ALMS1: variants seen among roughly 807,000 people sequenced by gnomAD.
ALMS1 encodes centrosome-associated protein ALMS1.
In ALMS1, 271 loss-of-function variants were observed where a neutral mutation model predicts 352.2. The observed-to-expected ratio is 0.77, with a 90% CI of 0.70 to 0.85. The LOEUF (loss-of-function observed/expected upper bound fraction) is 0.85. Ranked by LOEUF, ALMS1 falls within the 40% of genes least tolerant of loss-of-function variation. ALMS1 has a pLI of 0.00. For missense variants in ALMS1, 5,445 were observed against 4,870.7 expected (o/e 1.12, Z -3.51); for synonymous variants, 1,865 against 1,761.2 (o/e 1.06, Z -1.48).
At chr2:73,482,193 A>T (rs1004499486) in intron 9 of ALMS1, among the ~76,000 whole-genome samples, 1 of 152,230 alleles carries the variant, frequency 6.6e-6, no homozygotes, top group Non-Finnish European at 1.5e-5. Flanking sequence ...TTGGGCATTC[A>T]GTATGATATT....
At chr2:73,551,860 C>T (rs934187433) in intron 13 of ALMS1, among the ~76,000 whole-genome samples, 1 of 152,018 alleles carries the variant, frequency 6.6e-6, no homozygotes, top group Non-Finnish European at 1.5e-5. Flanking sequence ...TGTATAATTG[C>T]CTGTGTTTGT....
In ALMS1 at chr2:73,482,943, A is replaced by G. The variant is rs1298340519; in HGVS notation, c.7675-6691A>G. 7.2e-5 allele frequency among the ~76,000 whole-genome samples: 11 copies of G among 152,244 alleles called. No individual in the cohort carries two copies. The South Asian group carries it at 2.1e-3, about 29-fold the overall frequency. ...GGTGATATCCCCTTTATCATTTTTAATTGTGTCTATTTGATTCTTCTCTCT... is the reference window on the plus strand; with the variant it reads ...GGTGATATCCCCTTTATCATTTTTAGTTGTGTCTATTTGATTCTTCTCTCT... On this transcript the variant is annotated intron_variant, in intron 9 of 22. Transcript: ENST00000613296.
chr2:73,433,210 G>A (rs1045059449), intron 7 of ALMS1, among the ~76,000 whole-genome samples: 2 of 152,200 alleles, frequency 1.3e-5, no homozygotes, highest in Non-Finnish European at 2.9e-5. Context: ...TTGTCAGCCT[G>A]TATAGAATCT....
At chr2:73,510,816 C>T (rs906789726) in intron 10 of ALMS1, among the ~76,000 whole-genome samples, 4 of 152,208 alleles carry the variant, frequency 2.6e-5, no homozygotes, top group African/African-American at 9.6e-5. Flanking sequence ...GTGCCCACAG[C>T]TGCCCCTTCC....
intron 1 of ALMS1, among the ~76,000 whole-genome samples, chr2:73,406,437 T>G (rs923703403): frequency 7.6e-5 from 10 of 130,834 alleles, no homozygotes; most frequent in South Asian, 4.8e-4. Flanking sequence ...ATCCTATGGG[T>G]TTTTTTTTTT....
At chr2:73,557,395 C>A in intron 14 of ALMS1, 41 bp downstream of exon 14, 2 of 1,612,690 alleles carry the variant, frequency 1.2e-6, no homozygotes, top group South Asian at 2.2e-5. Context: ...TTCTTCTGGT[C>A]TTCTAAAATG....
chr2:73,449,420 T>C lies in ALMS1; in HGVS notation c.2893T>C (p.Tyr965His), dbSNP rs201180147. 316 of 1,614,006 alleles carry C rather than the reference T, an allele frequency of 2.0e-4. No individual in the cohort carries two copies. The highest frequency in any genetic ancestry group is 2.6e-4 in the Non-Finnish European group (302 of 1,180,006). The stretch of plus-strand genomic sequence containing the variant: ...ACATAGCGAGAAATCTAGTGTTTTC[T>C]ACCAGCAAGAGTTGCCAGACAGTGA... ...HSHSEKSSVF[Y>H]QQELPDSDLP... The change falls in exon 8 of 23, where the codon TAC becomes CAC. Residue 965 changes from tyrosine to histidine, a missense_variant. Transcript: ENST00000613296.
chr2:73,546,553 A>T (rs1363633688), intron 12 of ALMS1, among the ~76,000 whole-genome samples: 4 of 152,240 alleles, frequency 2.6e-5, no homozygotes, highest in Admixed American at 6.5e-5. Flanking sequence ...ACCATAAATA[A>T]GTACGTAATT....
At chr2:73,567,720 C>G (rs146027941) in intron 15 of ALMS1, among the ~76,000 whole-genome samples, 1 of 152,208 alleles carries the variant, frequency 6.6e-6, no homozygotes, top group Non-Finnish European at 1.5e-5. Flanking sequence ...AGTTGTAGCC[C>G]TACTTTACTC....
Position 73,474,110 on chromosome 2 carries a change from T to C in ALMS1, c.7675-15524T>C, listed in dbSNP as rs147354731. ...GATGTTGGTTCTATTAGTAGAAATATACTTTCCTTAATGAAGTCAGCTTTA... is the reference window on the plus strand; with the variant it reads ...GATGTTGGTTCTATTAGTAGAAATACACTTTCCTTAATGAAGTCAGCTTTA... On this transcript the variant is annotated intron_variant, in intron 9 of 22. Transcript: ENST00000613296. 3.4e-4 allele frequency among the ~76,000 whole-genome samples: 52 copies of C among 152,268 alleles called. No homozygotes were observed. The South Asian group carries it at 3.9e-3, about 12-fold the overall frequency.
chr2:73,453,092 TACTC>T lies in ALMS1; in HGVS notation c.6568_6571del (p.Ser2190MetfsTer15), dbSNP rs1034630858. ...ATTACAAACAGTTCCCTCTGGTACTTACTCACATGGTGAGAATCACAAGCTTGTT... is the reference window on the plus strand; with the variant it reads ...ATTACAAACAGTTCCCTCTGGTACTTACATGGTGAGAATCACAAGCTTGTT... On this transcript the variant is annotated frameshift_variant, in exon 8 of 23. Transcript: ENST00000613296. LOFTEE classifies it high-confidence loss of function. 14 of 1,613,964 alleles carry T rather than the reference TACTC, an allele frequency of 8.7e-6. No individual in the cohort carries two copies. Among genetic ancestry groups the T allele is most frequent in the Non-Finnish European group, 1.2e-5 (14 of 1,180,010 alleles).
chr2:73,539,897 G>GGT (rs1357410817), intron 12 of ALMS1, among the ~76,000 whole-genome samples: 4 of 152,176 alleles, frequency 2.6e-5, no homozygotes, highest in African/African-American at 9.7e-5. Context: ...ACGTCTGATT[G>GGT]GTGTACTTGA....
intron 10 of ALMS1, among the ~76,000 whole-genome samples, chr2:73,504,346 A>G (rs1673278077): frequency 6.6e-6 from 1 of 152,216 alleles, no homozygotes; most frequent in Admixed American, 6.5e-5. Context: ...ATCATAATCA[A>G]GATACAGAAG....
intron 12 of ALMS1, among the ~76,000 whole-genome samples, chr2:73,543,794 G>A (rs1013096339): frequency 1.3e-5 from 2 of 152,130 alleles, no homozygotes; most frequent in African/African-American, 4.8e-5. Context: ...TCAGAGAAAT[G>A]CAAATCAAAA....
intron 20 of ALMS1, among the ~76,000 whole-genome samples, 176 bp from the exon 21 acceptor site, chr2:73,603,065 G>A (rs1448566805): frequency 6.6e-6 from 1 of 152,120 alleles, no homozygotes; most frequent in African/African-American, 2.4e-5. Flanking sequence ...AGGGCCTTAG[G>A]CTGCTGTCCC....
chr2:73,578,173 T>C (rs1675093100), intron 16 of ALMS1, among the ~76,000 whole-genome samples: 1 of 152,182 alleles, frequency 6.6e-6, no homozygotes, highest in Admixed American at 6.5e-5. Flanking sequence ...TAAAGTCTGT[T>C]TTGTCTGATA....
intron 12 of ALMS1, among the ~76,000 whole-genome samples, chr2:73,548,333 G>A (rs1049339747): frequency 3.3e-5 from 5 of 152,020 alleles, no homozygotes; most frequent in Middle Eastern, 3.2e-3. Flanking sequence ...ATCTATACTC[G>A]CACATACTAT....
intron 16 of ALMS1, among the ~76,000 whole-genome samples, chr2:73,576,716 G>A (rs1675061828): frequency 6.6e-6 from 1 of 151,642 alleles, no homozygotes; most frequent in Non-Finnish European, 1.5e-5. Flanking sequence ...TGCCTCCTGG[G>A]TTCAACCAAT....
Position 73,600,895 on chromosome 2 carries a change from T to C in ALMS1, c.11872+14T>C. 6.2e-7 allele frequency: 1 copy of C among 1,610,526 alleles called. No individual in the cohort carries two copies. Among genetic ancestry groups the C allele is most frequent in the Non-Finnish European group, 8.5e-7 (1 of 1,177,516 alleles). On this transcript the variant is annotated intron_variant, in intron 18 of 22. Coordinates refer to ENST00000613296, the MANE Select transcript of ALMS1 (RefSeq NM_001378454.1). ...ATTCCCATGAAGGTCAGTTTCTCATTCCAGATCTTGTAGTAGAGAAACTAG... is the reference window on the plus strand; with the variant it reads ...ATTCCCATGAAGGTCAGTTTCTCATCCCAGATCTTGTAGTAGAGAAACTAG...
Sources: gnomAD v4.1 joint callset for allele counts (sites outside exome capture counted in the v4.1 genomes callset) on GRCh38, gnomAD v4.1.1 for gene constraint, MANE v1.5 for transcripts, NCBI Gene and HGNC (gene_info 2026-07-23, HGNC 2026-07-21) for gene names.